The following RNF220 variants were observed in gnomAD, a reference collection of about 807,000 sequenced individuals.
The protein encoded by RNF220 is ring finger protein 220.
RNF220 carries 7 observed loss-of-function variants against 67.1 expected under a neutral mutation model. That is an observed-to-expected ratio of 0.10 (90% CI 0.06 to 0.20). The LOEUF (loss-of-function observed/expected upper bound fraction) is 0.20. Ranked by LOEUF, RNF220 falls within the 10% of genes least tolerant of loss-of-function variation. The probability of loss-of-function intolerance (pLI) is 1.00; values close to 1 mark genes in which losing one functional copy is unlikely to be tolerated. For missense variants in RNF220, 565 were observed against 740.3 expected (o/e 0.76, Z 2.75); for synonymous variants, 270 against 283.2 (o/e 0.95, Z 0.47).
upstream of RNF220, among the ~76,000 whole-genome samples, chr1:44,404,832 G>A (rs1334033362): frequency 1.3e-5 from 2 of 152,036 alleles, no homozygotes; most frequent in Non-Finnish European, 2.9e-5. Flanking sequence ...ATTTTTCTGG[G>A]AAAAGACAGA....
chr1:44,525,899 C>T (rs1296834078), intron 2 of RNF220, among the ~76,000 whole-genome samples: 1 of 152,206 alleles, frequency 6.6e-6, no homozygotes, highest in East Asian at 1.9e-4. Flanking sequence ...GCTGCGTCTG[C>T]TGTCCTTATG....
At chr1:44,473,748 G>T (rs988359965) in intron 2 of RNF220, among the ~76,000 whole-genome samples, 2 of 152,124 alleles carry the variant, frequency 1.3e-5, no homozygotes, top group Admixed American at 6.6e-5. Context: ...TAATATCGTA[G>T]CTATCTCATC....
intron 2 of RNF220, among the ~76,000 whole-genome samples, chr1:44,452,428 C>A (rs1003741015): frequency 1.3e-5 from 2 of 152,000 alleles, no homozygotes; most frequent in Non-Finnish European, 2.9e-5. Context: ...GTGGCGGGCG[C>A]CTGTAATCTC....
At chr1:44,531,770 C>A (rs908969331) in intron 2 of RNF220, among the ~76,000 whole-genome samples, 2 of 152,238 alleles carry the variant, frequency 1.3e-5, no homozygotes, top group African/African-American at 4.8e-5. Flanking sequence ...GACCAATTAT[C>A]ATCCAATCAC....
intron 2 of RNF220, among the ~76,000 whole-genome samples, chr1:44,523,815 G>A (rs1035906565): frequency 1.1e-4 from 16 of 152,170 alleles, no homozygotes; most frequent in African/African-American, 3.4e-4. Flanking sequence ...AGCATCCAGC[G>A]CAGCCCCATC....
At chr1:44,434,391 C>T (rs1300612573) in intron 2 of RNF220, among the ~76,000 whole-genome samples, 1 of 152,106 alleles carries the variant, frequency 6.6e-6, no homozygotes, top group East Asian at 1.9e-4. Context: ...ACATAAATCA[C>T]CATGTTGTGA....
At chr1:44,594,213 C>T (rs1572983326) in intron 2 of RNF220, among the ~76,000 whole-genome samples, 1 of 152,106 alleles carries the variant, frequency 6.6e-6, no homozygotes, top group Admixed American at 6.6e-5. Flanking sequence ...AAGTGAAAGG[C>T]CCCCAAGAGA....
rs561934325 is a variant in RNF220 at position 44,644,502 on chromosome 1, A to T, written c.1127-196A>T. 1.6e-5 allele frequency: 9 copies of T among 571,704 alleles called. No homozygotes were observed. The South Asian group carries it at 1.9e-4, about 12-fold the overall frequency. The allele number at this position is 571,704 out of a possible 1,614,324, so 35.4% of individuals were successfully genotyped here. A position where few individuals can be genotyped will look rare whatever the true frequency, so the allele number is the denominator to read the frequency against. On this transcript the variant is annotated intron_variant, in intron 8 of 14. Transcript: ENST00000361799. Reference sequence around the variant, plus strand: ...TGGAGCAGCATGCAGTAGCAGAGAAAGATGAGGTTTGCAGAGTGAAGGGCC... The same window carrying T: ...TGGAGCAGCATGCAGTAGCAGAGAATGATGAGGTTTGCAGAGTGAAGGGCC...
At chr1:44,605,329 A>G (rs114573769) in intron 2 of RNF220, among the ~76,000 whole-genome samples, 1,810 of 151,754 alleles carry the variant, frequency 0.012, 39 homozygotes, top group African/African-American at 0.041. Context: ...AAAAGCATAT[A>G]TAGAAGGATA....
chr1:44,578,277 T>C (rs182471718), intron 2 of RNF220, among the ~76,000 whole-genome samples: 63 of 151,634 alleles, frequency 4.2e-4, no homozygotes, highest in African/African-American at 1.5e-3. Context: ...GCCTCCCAAG[T>C]AGCTGGGATT....
intron 8 of RNF220, among the ~76,000 whole-genome samples, chr1:44,637,394 C>G (rs555249396): frequency 3.5e-4 from 54 of 152,340 alleles, no homozygotes; most frequent in African/African-American, 1.3e-3. Context: ...CGTACTGGAG[C>G]CTTCGAGTAT....
intron 2 of RNF220, among the ~76,000 whole-genome samples, chr1:44,479,208 C>T (rs932263117): frequency 5.9e-5 from 9 of 151,824 alleles, no homozygotes; most frequent in Admixed American, 1.3e-4. Flanking sequence ...CTCCGCCTCC[C>T]GGGTTCACGC....
intron 2 of RNF220, among the ~76,000 whole-genome samples, chr1:44,428,817 A>G (rs1053696387): frequency 6.6e-6 from 1 of 152,014 alleles, no homozygotes; most frequent in Non-Finnish European, 1.5e-5. Flanking sequence ...GGTTTATTCT[A>G]TTAAGCTGAT....
At chr1:44,603,199 A>G (rs1442119805) in intron 2 of RNF220, among the ~76,000 whole-genome samples, 1 of 152,254 alleles carries the variant, frequency 6.6e-6, no homozygotes, top group Non-Finnish European at 1.5e-5. Flanking sequence ...GTATTATTTT[A>G]GGCGTTATCT....
At position 44,407,839 on chromosome 1, in the gene RNF220, G is replaced by A. The variant is rs144850865; in HGVS notation, c.-118+2309G>A. 5.5e-3 allele frequency among the ~76,000 whole-genome samples: 836 copies of A among 152,288 alleles called. 9 individuals are homozygous for A. Among genetic ancestry groups the A allele is most frequent in the African/African-American group, 0.019 (787 of 41,576 alleles). ...GTGGTGCGCGCGGCGGCGGGACCCG[G>A]GTGACCCCCGGGGCGGGGCTGCTCG... is the stretch of plus-strand genomic sequence containing the variant. On this transcript the variant is annotated intron_variant, in intron 1 of 14. Coordinates refer to ENST00000361799, the MANE Select transcript of RNF220 (RefSeq NM_018150.4).
chr1:44,500,371 G>C (rs1199033099), intron 2 of RNF220, among the ~76,000 whole-genome samples: 1 of 152,058 alleles, frequency 6.6e-6, no homozygotes, highest in Non-Finnish European at 1.5e-5. Flanking sequence ...TGTATCTGGA[G>C]ACTTCCCTAA....
At chr1:44,500,854 G>C (rs1038054295) in intron 2 of RNF220, among the ~76,000 whole-genome samples, 14 of 152,198 alleles carry the variant, frequency 9.2e-5, no homozygotes, top group Admixed American at 7.2e-4. Flanking sequence ...GCCAGCTTTG[G>C]TCTGCGGCTC....
At chr1:44,449,877 A>G (rs866410919) in intron 2 of RNF220, among the ~76,000 whole-genome samples, 9 of 152,234 alleles carry the variant, frequency 5.9e-5, no homozygotes, top group Non-Finnish European at 7.3e-5. Flanking sequence ...CAGACTTCAG[A>G]TGATCCACGT....
intron 2 of RNF220, among the ~76,000 whole-genome samples, chr1:44,573,392 C>T (rs1664585916): frequency 6.6e-6 from 1 of 152,116 alleles, no homozygotes; most frequent in Non-Finnish European, 1.5e-5. Flanking sequence ...CAGGACAGCC[C>T]AGGGGTTATG....
Sources: allele counts gnomAD v4.1 joint callset (sites outside exome capture counted in the v4.1 genomes callset), GRCh38; gene constraint gnomAD v4.1.1; transcripts MANE v1.5; gene names NCBI Gene and HGNC (gene_info 2026-07-23, HGNC 2026-07-21).